The following ADK variants were observed in gnomAD, a reference collection of about 807,000 sequenced individuals.
ADK encodes the protein adenosine kinase.
In ADK, 24 loss-of-function variants were observed where a neutral mutation model predicts 44.7. That is an observed-to-expected ratio of 0.54 (90% CI 0.39 to 0.76). The LOEUF (loss-of-function observed/expected upper bound fraction) is 0.76. Ranked by LOEUF, ADK falls within the 30% of genes least tolerant of loss-of-function variation. The pLI, the probability that ADK is intolerant of heterozygous loss-of-function variation, is 0.00. For missense variants in ADK, 321 were observed against 425.1 expected (o/e 0.76, Z 2.15); for synonymous variants, 128 against 142.6 (o/e 0.90, Z 0.73).
chr10:74,452,760 C>G (rs1845819058), intron 6 of ADK, among the ~76,000 whole-genome samples: 2 of 152,084 alleles, frequency 1.3e-5, no homozygotes, highest in Middle Eastern at 3.4e-3. Context: ...TTGCATAGCT[C>G]CAGGATTTTT....
At chr10:74,659,240 C>T (rs1854605632) in intron 9 of ADK, among the ~76,000 whole-genome samples, 1 of 152,074 alleles carries the variant, frequency 6.6e-6, no homozygotes. Context: ...TAAATGCAGT[C>T]ACACACACTA....
chr10:74,344,128 G>A (rs921996335), intron 4 of ADK, among the ~76,000 whole-genome samples: 3 of 152,102 alleles, frequency 2.0e-5, no homozygotes, highest in African/African-American at 7.2e-5. Flanking sequence ...ATGAGTATCA[G>A]TCTGTAGTTT....
chr10:74,679,575 C>CT (rs556819059), intron 10 of ADK, among the ~76,000 whole-genome samples: 118 of 145,588 alleles, frequency 8.1e-4, no homozygotes, highest in Non-Finnish European at 1.3e-3. Context: ...ATTATTTGGC[C>CT]TTTTTTTTTT....
At chr10:74,213,490 C>T (rs1012620201) in intron 2 of ADK, among the ~76,000 whole-genome samples, 2 of 151,336 alleles carry the variant, frequency 1.3e-5, no homozygotes, top group African/African-American at 2.4e-5. Context: ...TATTATGTGG[C>T]TGGTATTTAA....
At chr10:74,589,886 A>G (rs1271102636) in intron 8 of ADK, among the ~76,000 whole-genome samples, 1 of 151,828 alleles carries the variant, frequency 6.6e-6, no homozygotes, top group East Asian at 1.9e-4. Context: ...TTCTGGGGAG[A>G]CGGAGGTAGC....
chr10:74,199,235 C>G (rs1055832946), intron 1 of ADK, among the ~76,000 whole-genome samples: 1 of 152,148 alleles, frequency 6.6e-6, no homozygotes, highest in East Asian at 1.9e-4. Flanking sequence ...AGGTTTGTTA[C>G]ATGGGTATAT....
At chr10:74,422,903 C>G (rs1844613508) in intron 6 of ADK, among the ~76,000 whole-genome samples, 1 of 152,082 alleles carries the variant, frequency 6.6e-6, no homozygotes, top group Non-Finnish European at 1.5e-5. Flanking sequence ...CTATGGTTTC[C>G]CAGCTGGGAG....
chr10:74,295,000 C>T (rs1173956820), intron 3 of ADK, among the ~76,000 whole-genome samples: 3 of 151,974 alleles, frequency 2.0e-5, no homozygotes, highest in Non-Finnish European at 2.9e-5. Context: ...GGACTACAGG[C>T]GTATGCCATC....
At chr10:74,285,900 G>T (rs185636922) in intron 3 of ADK, among the ~76,000 whole-genome samples, 1 of 152,098 alleles carries the variant, frequency 6.6e-6, no homozygotes, top group East Asian at 1.9e-4. Context: ...TTAATTTACT[G>T]TACTGTACTA....
At chr10:74,241,164 G>A (rs1381210523) in intron 3 of ADK, among the ~76,000 whole-genome samples, 1 of 152,184 alleles carries the variant, frequency 6.6e-6, no homozygotes, top group Non-Finnish European at 1.5e-5. Flanking sequence ...AGCATACGGT[G>A]TAATATCAAT....
chr10:74,503,299 A>G (rs755931895), intron 6 of ADK, among the ~76,000 whole-genome samples: 3 of 152,220 alleles, frequency 2.0e-5, no homozygotes, highest in Non-Finnish European at 4.4e-5. Context: ...GGATATAGAA[A>G]GGTACAGGAT....
intron 9 of ADK, among the ~76,000 whole-genome samples, chr10:74,607,297 C>A (rs940835309): frequency 6.6e-6 from 1 of 151,988 alleles, no homozygotes; most frequent in Non-Finnish European, 1.5e-5. Flanking sequence ...TTATTTTGCC[C>A]GTTAGTTGAT....
intron 7 of ADK, among the ~76,000 whole-genome samples, chr10:74,581,482 G>A (rs980276588): frequency 3.3e-5 from 5 of 152,124 alleles, no homozygotes; most frequent in East Asian, 3.9e-4. Context: ...TACGGATGGG[G>A]CAGGGAGACA....
intron 1 of ADK, among the ~76,000 whole-genome samples, chr10:74,155,919 G>C (rs1019775219): frequency 6.6e-6 from 1 of 152,106 alleles, no homozygotes; most frequent in Non-Finnish European, 1.5e-5. Context: ...GAAAGAGTTT[G>C]GTTATTTTTG....
chr10:74,266,761 C>A (rs1564624540), intron 3 of ADK, among the ~76,000 whole-genome samples: 1 of 151,950 alleles, frequency 6.6e-6, no homozygotes, highest in East Asian at 1.9e-4. Context: ...TCATTTCTTT[C>A]TAATTTTAAA....
intron 10 of ADK, among the ~76,000 whole-genome samples, chr10:74,685,416 G>A (rs1228639006): frequency 6.6e-6 from 1 of 152,262 alleles, no homozygotes; most frequent in Non-Finnish European, 1.5e-5. Flanking sequence ...AAAAGATGTT[G>A]GGTTTTCTTT....
chr10:74,598,813 T>C (rs1056455632), intron 8 of ADK, among the ~76,000 whole-genome samples: 5 of 152,200 alleles, frequency 3.3e-5, no homozygotes, highest in African/African-American at 1.2e-4. Flanking sequence ...AAAGAACATC[T>C]AGTACATTCA....
At chr10:74,523,057 C>T (rs187408002) in intron 6 of ADK, among the ~76,000 whole-genome samples, 1 of 152,248 alleles carries the variant, frequency 6.6e-6, no homozygotes, top group Admixed American at 6.5e-5. Context: ...TGAATCCAGG[C>T]TTCATCACAT....
At chr10:74,347,244 T>A (rs751632457) in intron 4 of ADK, among the ~76,000 whole-genome samples, 3 of 150,684 alleles carry the variant, frequency 2.0e-5, no homozygotes, top group Admixed American at 2.0e-4. Flanking sequence ...GTTCATCTCA[T>A]TGGGACTAAT....
Sources: gnomAD v4.1 joint callset for allele counts (sites outside exome capture counted in the v4.1 genomes callset) on GRCh38, gnomAD v4.1.1 for gene constraint, MANE v1.5 for transcripts, NCBI Gene and HGNC (gene_info 2026-07-23, HGNC 2026-07-21) for gene names.